PITPNC1: variants seen among roughly 807,000 people sequenced by gnomAD.
PITPNC1 encodes cytoplasmic phosphatidylinositol transfer protein 1.
In PITPNC1, 18 loss-of-function variants were observed where a neutral mutation model predicts 44.7. The ratio of observed to expected loss-of-function variants is 0.40; its 90% CI spans 0.28 to 0.60. PITPNC1 has a LOEUF of 0.60. Ranked by LOEUF, PITPNC1 falls within the 20% of genes least tolerant of loss-of-function variation. The pLI, the probability that PITPNC1 is intolerant of heterozygous loss-of-function variation, is 0.39. For synonymous variants in PITPNC1, 141 were observed against 149.6 expected, an observed-to-expected ratio of 0.94 and a Z score of 0.42; for missense variants, 290 against 418.4, an observed-to-expected ratio of 0.69 and a Z score of 2.68.
At chr17:67,664,519 A>G (rs1343042463) in intron 6 of PITPNC1, among the ~76,000 whole-genome samples, 2 of 152,098 alleles carry the variant, frequency 1.3e-5, no homozygotes, top group African/African-American at 4.8e-5. Flanking sequence ...GTGAGATGGT[A>G]TCTAATTGTG....
At chr17:67,634,410 A>G (rs2042007630) in intron 6 of PITPNC1, among the ~76,000 whole-genome samples, 1 of 151,764 alleles carries the variant, frequency 6.6e-6, no homozygotes, top group Non-Finnish European at 1.5e-5. Flanking sequence ...AAACTCTACT[A>G]AAAATACAAA....
chr17:67,390,122 C>T (rs1187824145), intron 1 of PITPNC1, among the ~76,000 whole-genome samples: 3 of 152,122 alleles, frequency 2.0e-5, no homozygotes, highest in African/African-American at 4.8e-5. Context: ...TTACGGTCCC[C>T]GTCCATAAGG....
intron 1 of PITPNC1, among the ~76,000 whole-genome samples, chr17:67,441,350 T>C (rs1401629503): frequency 6.6e-6 from 1 of 150,616 alleles, no homozygotes; most frequent in East Asian, 2.0e-4. Flanking sequence ...TGATGATTCA[T>C]CTGAGGACGA....
chr17:67,428,652 G>T (rs980151768), intron 1 of PITPNC1, among the ~76,000 whole-genome samples: 1 of 151,816 alleles, frequency 6.6e-6, no homozygotes, highest in Non-Finnish European at 1.5e-5. Flanking sequence ...ATTTTCCTGT[G>T]TTTTACAAAT....
chr17:67,406,275 T>C (rs2038399600), intron 1 of PITPNC1, among the ~76,000 whole-genome samples: 1 of 152,114 alleles, frequency 6.6e-6, no homozygotes. Context: ...CCTGAGTAGC[T>C]GGATTTCAGG....
At chr17:67,424,085 C>CA (rs71139144) in intron 1 of PITPNC1, among the ~76,000 whole-genome samples, 1,814 of 75,948 alleles carry the variant, frequency 0.024, 96 homozygotes, top group Middle Eastern at 0.051. Flanking sequence ...GAGACTGTCT[C>CA]AAAAAAAAAA....
chr17:67,667,483 C>A (rs1183654876), intron 6 of PITPNC1, among the ~76,000 whole-genome samples: 1 of 74,718 alleles, frequency 1.3e-5, no homozygotes, highest in Non-Finnish European at 2.8e-5. Flanking sequence ...GAGCCATGAT[C>A]CTTTCTCAAA....
intron 6 of PITPNC1, among the ~76,000 whole-genome samples, chr17:67,661,839 A>C (rs1389014484): frequency 2.6e-5 from 4 of 152,064 alleles, no homozygotes; most frequent in Non-Finnish European, 5.9e-5. Flanking sequence ...TCTACTAAAA[A>C]TACAAAAATT....
At position 67,377,515 on chromosome 17, in the gene PITPNC1, C is replaced by G. The variant is rs2143767264; in HGVS notation, c.-640C>G. On this transcript the variant is annotated 5_prime_UTR_variant, in exon 1 of 9. Coordinates refer to ENST00000581322, the MANE Select transcript of PITPNC1 (RefSeq NM_012417.4). ...AGCCGAGCGGCGGCGGCGGCGGCGG[C>G]TTCCCTTTTCTCCCCGAGCCGAGCC... is the stretch of plus-strand genomic sequence containing the variant. The G allele has an allele frequency of 6.5e-6, 1 of 154,168 alleles. No homozygotes were observed. Among genetic ancestry groups the G allele is most frequent in the Non-Finnish European group, 1.4e-5 (1 of 68,970 alleles). 9.6% of individuals were successfully genotyped at this position (154,168 alleles called of 1,614,324 possible).
intron 1 of PITPNC1, among the ~76,000 whole-genome samples, chr17:67,398,732 C>T (rs996209862): frequency 3.3e-5 from 5 of 151,958 alleles, no homozygotes; most frequent in East Asian, 1.9e-4. Context: ...GGATTTTCTT[C>T]TCAATCCAAC....
intron 1 of PITPNC1, among the ~76,000 whole-genome samples, chr17:67,495,967 A>G (rs887289917): frequency 1.3e-5 from 2 of 152,380 alleles, no homozygotes; most frequent in South Asian, 2.1e-4. Context: ...CATTGGATGT[A>G]GGAAAGTTCA....
At chr17:67,439,319 A>G (rs2038979480) in intron 1 of PITPNC1, among the ~76,000 whole-genome samples, 1 of 152,236 alleles carries the variant, frequency 6.6e-6, no homozygotes, top group Non-Finnish European at 1.5e-5. Flanking sequence ...TGCTATTGGC[A>G]TGGCCGTCAC....
intron 6 of PITPNC1, among the ~76,000 whole-genome samples, chr17:67,643,197 C>T (rs1324281183): frequency 2.0e-5 from 3 of 152,100 alleles, no homozygotes; most frequent in Non-Finnish European, 4.4e-5. Context: ...GTCAGGAGTT[C>T]GAGACCATGG....
intron 1 of PITPNC1, among the ~76,000 whole-genome samples, chr17:67,393,484 G>A (rs2038169232): frequency 2.0e-5 from 3 of 151,848 alleles, no homozygotes; most frequent in Admixed American, 1.3e-4. Context: ...AAACTTTAAT[G>A]GAAGCTCATA....
chr17:67,668,113 A>G (rs2042451915), intron 6 of PITPNC1, among the ~76,000 whole-genome samples: 1 of 152,220 alleles, frequency 6.6e-6, no homozygotes, highest in South Asian at 2.1e-4. Context: ...ATCATCCCAG[A>G]AGTTTCCTTC....
chr17:67,650,337 C>A (rs896659200), intron 6 of PITPNC1, among the ~76,000 whole-genome samples: 4 of 151,636 alleles, frequency 2.6e-5, no homozygotes, highest in Non-Finnish European at 5.9e-5. Flanking sequence ...TTTTTCCCAG[C>A]TTCCTTCCTT....
chr17:67,550,175 T>C (rs2040740942), intron 2 of PITPNC1, among the ~76,000 whole-genome samples: 1 of 152,182 alleles, frequency 6.6e-6, no homozygotes, highest in South Asian at 2.1e-4. Flanking sequence ...GAGGATTTTA[T>C]AGGAGTGAAA....
intron 1 of PITPNC1, among the ~76,000 whole-genome samples, chr17:67,384,492 C>G (rs1023550394): frequency 6.6e-6 from 1 of 150,702 alleles, no homozygotes; most frequent in African/African-American, 2.4e-5. Context: ...GTGGCGCGAT[C>G]TCGGCTCACT....
intron 1 of PITPNC1, among the ~76,000 whole-genome samples, chr17:67,429,584 GCT>G (rs1036133597): frequency 1.1e-3 from 170 of 152,136 alleles, no homozygotes; most frequent in African/African-American, 3.9e-3. Context: ...TATAATCGTA[GCT>G]ACTCAGGAGG....
Sources: allele counts gnomAD v4.1 joint callset (sites outside exome capture counted in the v4.1 genomes callset), GRCh38; gene constraint gnomAD v4.1.1; transcripts MANE v1.5; gene names NCBI Gene and HGNC (gene_info 2026-07-23, HGNC 2026-07-21).